Variants in RGS6 observed in about 807,000 individuals in gnomAD.
RGS6 encodes regulator of G protein signaling 6.
Under a neutral mutation model 78.5 loss-of-function variants are expected in RGS6, and 30 were observed. The ratio of observed to expected loss-of-function variants is 0.38; its 90% CI spans 0.29 to 0.52. The LOEUF is 0.52. Among genes scored for constraint, RGS6 ranks in the 20% least tolerant of loss-of-function variants. The pLI, the probability that RGS6 is intolerant of heterozygous loss-of-function variation, is 0.85. For synonymous variants in RGS6, 206 were observed against 206.0 expected (o/e 1.00, Z 0.00); for missense variants, 495 against 609.7 (o/e 0.81, Z 1.98).
Position 72,399,664 on chromosome 14 carries a change from G to T in RGS6, c.184+47470G>T, listed in dbSNP as rs560658140. Among the ~76,000 whole-genome samples the T allele has an allele frequency of 9.2e-5, 14 of 152,230 alleles. No individual in the cohort carries two copies. The East Asian group carries it at 1.7e-3, about 19-fold the overall frequency. ...AATTTGGCATGTTTTTGCAGTGGCT[G>T]GTACCAGTTGTTCCTTTCCATGTTT... is the stretch of plus-strand genomic sequence containing the variant. On this transcript the variant is annotated intron_variant, in intron 3 of 17. Transcript: ENST00000553525.
intron 2 of RGS6, among the ~76,000 whole-genome samples, chr14:72,340,720 G>T (rs2152674639): frequency 6.6e-6 from 1 of 152,310 alleles, no homozygotes; most frequent in Non-Finnish European, 1.5e-5. Flanking sequence ...ATCTGAAAAT[G>T]CACTTCTCTC....
chr14:71,927,750 C>T (rs2087737441), upstream of RGS6, among the ~76,000 whole-genome samples: 1 of 151,776 alleles, frequency 6.6e-6, no homozygotes, highest in South Asian at 2.1e-4. Context: ...CTCCGCCTCC[C>T]TGGTTCATGC....
chr14:71,905,497 C>A, the RGS6 span, among the ~76,000 whole-genome samples: 1 of 152,010 alleles, frequency 6.6e-6, no homozygotes, highest in Non-Finnish European at 1.5e-5. Context: ...TGTTTCTTTT[C>A]TCTTTTTTTT....
chr14:71,990,546 G>A (rs776377157), intron 2 of RGS6: 199 of 453,504 alleles, frequency 4.4e-4, no homozygotes, highest in Middle Eastern at 1.6e-3. Flanking sequence ...CAAATTTTAA[G>A]TAGTGGAGAG....
intron 3 of RGS6, among the ~76,000 whole-genome samples, chr14:72,391,046 A>T (rs555357705): frequency 1.3e-5 from 2 of 152,192 alleles, no homozygotes; most frequent in Admixed American, 1.3e-4. Context: ...GTGAAACTCA[A>T]ATATACTTAG....
At chr14:72,384,840 T>C (rs1247158400) in intron 3 of RGS6, among the ~76,000 whole-genome samples, 1 of 152,214 alleles carries the variant, frequency 6.6e-6, no homozygotes, top group African/African-American at 2.4e-5. Flanking sequence ...AATCTCCGCC[T>C]CCCGGATTCA....
rs552573471 is a variant in RGS6, at chr14:72,012,090, G to A, written c.84+47215G>A. On this transcript the variant is annotated intron_variant, in intron 2 of 17. Transcript: ENST00000553525. ...AGATATGAAAACCAATAACAATTATGTATCAGTAGGCATTTTATAAATAGT... is the reference window on the plus strand; with the variant it reads ...AGATATGAAAACCAATAACAATTATATATCAGTAGGCATTTTATAAATAGT... 1.8e-3 allele frequency among the ~76,000 whole-genome samples: 279 copies of A among 152,314 alleles called. 2 individuals are homozygous for A. The highest frequency in any genetic ancestry group is 6.3e-3 in the African/African-American group (264 of 41,576).
At chr14:72,270,404 A>G (rs1390748037) in intron 2 of RGS6, among the ~76,000 whole-genome samples, 3 of 152,226 alleles carry the variant, frequency 2.0e-5, no homozygotes, top group Admixed American at 6.5e-5. Context: ...ATAGGAAAGG[A>G]TGGGAGAAAG....
At chr14:72,410,788 G>T (rs7492439) in intron 3 of RGS6, among the ~76,000 whole-genome samples, 4,453 of 152,090 alleles carry the variant, frequency 0.029, 207 homozygotes, top group African/African-American at 0.1. Context: ...TCTACATATG[G>T]CTAGCCAGTT....
At position 72,540,093 on chromosome 14, in the gene RGS6, T is replaced by C. The variant is rs1342378659; in HGVS notation, c.1421T>C (p.Val474Ala). 1.9e-6 allele frequency: 3 copies of C among 1,589,126 alleles called. No individual in the cohort carries two copies. The highest frequency in any genetic ancestry group is 2.5e-6 in the Non-Finnish European group (3 of 1,177,206). Residue 474 changes from valine to alanine, a missense_variant and splice_region_variant, in exon 17 of 18, where the codon GTG becomes GCG. Transcript: ENST00000553525. Reference protein sequence around the residue: ...RTSLEKFTRSVGKSLAGKRLT... With the variant: ...RTSLEKFTRSAGKSLAGKRLT... ...TCCCTAGAAAAGTTCACTCGCAGTG[T>C]GGTAAGTTCAGTCGGTTTTCTTCCC...
chr14:72,305,958 A>G (rs868009675), intron 2 of RGS6, among the ~76,000 whole-genome samples: 10 of 152,362 alleles, frequency 6.6e-5, no homozygotes, highest in Admixed American at 4.6e-4. Flanking sequence ...TACTCCAGTG[A>G]AAACAGGAAT....
the RGS6 span, among the ~76,000 whole-genome samples, chr14:71,876,041 T>A: frequency 7.9e-5 from 12 of 152,244 alleles, no homozygotes; most frequent in African/African-American, 2.9e-4. Context: ...CTTTTACATT[T>A]GCTGAGGAGT....
chr14:72,208,286 C>T (rs914745560), intron 2 of RGS6, among the ~76,000 whole-genome samples: 1 of 152,176 alleles, frequency 6.6e-6, no homozygotes, highest in Non-Finnish European at 1.5e-5. Flanking sequence ...GAGCATGGAA[C>T]CAACACAGAG....
chr14:72,155,988 T>C (rs1027120365), intron 2 of RGS6, among the ~76,000 whole-genome samples: 1 of 152,202 alleles, frequency 6.6e-6, no homozygotes, highest in Non-Finnish European at 1.5e-5. Flanking sequence ...CTGTAGACTT[T>C]TAAAAAATAC....
chr14:72,531,774 G>A (rs1278661878), intron 15 of RGS6, among the ~76,000 whole-genome samples: 3 of 152,124 alleles, frequency 2.0e-5, no homozygotes, highest in African/African-American at 4.8e-5. Context: ...TAACATATGC[G>A]TGGTCTCATA....
the RGS6 span, among the ~76,000 whole-genome samples, chr14:71,913,284 G>T: frequency 6.6e-6 from 1 of 152,092 alleles, no homozygotes; most frequent in Non-Finnish European, 1.5e-5. Context: ...CCCTAAACTT[G>T]CTCAATATGT....
At chr14:72,027,590 G>A (rs2090121778) in intron 2 of RGS6, among the ~76,000 whole-genome samples, 1 of 152,138 alleles carries the variant, frequency 6.6e-6, no homozygotes, top group Non-Finnish European at 1.5e-5. Flanking sequence ...CGTGATTCTG[G>A]AGAGGTTGGT....
chr14:72,238,107 C>T (rs545688179), intron 2 of RGS6, among the ~76,000 whole-genome samples: 1 of 152,244 alleles, frequency 6.6e-6, no homozygotes, highest in East Asian at 1.9e-4. Flanking sequence ...AGAAGGTGCT[C>T]TATCTCTGAA....
chr14:72,448,186 C>T (rs889837890), intron 3 of RGS6, among the ~76,000 whole-genome samples: 4 of 152,136 alleles, frequency 2.6e-5, no homozygotes, highest in Non-Finnish European at 5.9e-5. Flanking sequence ...AGGTTCCCAC[C>T]GTTTGTAAGT....
Sources: gnomAD v4.1 joint callset for allele counts (sites outside exome capture counted in the v4.1 genomes callset) on GRCh38, gnomAD v4.1.1 for gene constraint, MANE v1.5 for transcripts, NCBI Gene and HGNC (gene_info 2026-07-23, HGNC 2026-07-21) for gene names.